The following CDC25B variants were observed in gnomAD, a reference collection of about 807,000 sequenced individuals.
CDC25B encodes cell division cycle 25B, also known as M-phase inducer phosphatase 2.
Under a neutral mutation model 69.8 loss-of-function variants are expected in CDC25B, and 33 were observed. That is an observed-to-expected ratio of 0.47 (90% CI 0.36 to 0.63). CDC25B has a LOEUF of 0.63. CDC25B is among the 30% of genes least tolerant of loss of function. The pLI, the probability that CDC25B is intolerant of heterozygous loss-of-function variation, is 0.00. For missense variants in CDC25B, 727 were observed against 809.1 expected, an observed-to-expected ratio of 0.90 and a Z score of 1.23; for synonymous variants, 341 against 314.6, an observed-to-expected ratio of 1.08 and a Z score of -0.89.
chr20:3,804,450 C>A, intron 14 of CDC25B, 119 bp from the exon 15 acceptor site: 1 of 692,050 alleles, frequency 1.4e-6, no homozygotes, highest in South Asian at 1.7e-5. Context: ...CATTCCTGTG[C>A]TCTAAAGCTT....
chr20:3,793,532 T>G (rs2088949330), upstream of CDC25B, among the ~76,000 whole-genome samples: 1 of 150,514 alleles, frequency 6.6e-6, no homozygotes, highest in Admixed American at 6.6e-5. Context: ...AGAGGTGACC[T>G]GACTGTGGGA....
chr20:3,787,063 G>A (rs2088837816), exon 1 of CDC25B: 2 of 576,206 alleles, frequency 3.5e-6, no homozygotes, highest in East Asian at 3.1e-5. Flanking sequence ...TAAAAATAAC[G>A]CACTTTTTTT....
At chr20:3,795,078 TG>T (rs2088990569), upstream of CDC25B, among the ~76,000 whole-genome samples, 1 of 152,120 alleles carries the variant, frequency 6.6e-6, no homozygotes, top group Admixed American at 6.5e-5. Flanking sequence ...AATTGGAAGA[TG>T]GGCCGGGCAC....
At position 3,797,739 on chromosome 20, in the gene CDC25B, T is replaced by A. The variant is rs757633248; in HGVS notation, c.318T>A (p.Ser106=). 1.2e-6 allele frequency: 2 copies of A among 1,614,026 alleles called. No individual in the cohort carries two copies. The highest frequency in any genetic ancestry group is 8.5e-7 in the Non-Finnish European group (1 of 1,180,020). The change falls in exon 2 of 16, where the codon TCT becomes TCA. Residue 106 remains serine, a synonymous_variant. Transcript: ENST00000245960. ...ESSLSSESSE[S]SDAGLCMDSP... is the part of the protein sequence containing the mutation. Reference sequence around the variant, plus strand: ...CCCTGTCGTCTGAATCCTCCGAATCTTCTGATGCAGGTGAGGCCCAGGGGA... The same window carrying A: ...CCCTGTCGTCTGAATCCTCCGAATCATCTGATGCAGGTGAGGCCCAGGGGA...
At chr20:3,800,229 TG>T in intron 3 of CDC25B, 58 bp from the exon 4 acceptor site, 2 of 1,554,412 alleles carry the variant, frequency 1.3e-6, no homozygotes, top group Non-Finnish European at 1.8e-6. Context: ...GGCCTGGTGC[TG>T]GGGTGGGTGA....
chr20:3,796,794 C>T (rs2089073048), intron 1 of CDC25B, 63 bp downstream of exon 1: 1 of 1,499,870 alleles, frequency 6.7e-7, no homozygotes, highest in Non-Finnish European at 8.8e-7. Context: ...CCTGGGCCTC[C>T]TGGAGAACTG....
chr20:3,791,760 G>A (rs115434402), upstream of CDC25B, among the ~76,000 whole-genome samples: 446 of 152,268 alleles, frequency 2.9e-3, 1 homozygote, highest in Middle Eastern at 0.031. Flanking sequence ...ATAGCACACA[G>A]ACACATAAGG....
intron 1 of CDC25B, among the ~76,000 whole-genome samples, chr20:3,788,753 C>T (rs2088866390): frequency 2.0e-5 from 3 of 150,276 alleles, no homozygotes; most frequent in Non-Finnish European, 4.4e-5. Flanking sequence ...TGTTTCTTTC[C>T]TTCCTTCCTT....
Position 3,804,693 on chromosome 20 carries a change from G to A in CDC25B, c.1602+13G>A. 1.2e-6 allele frequency: 2 copies of A among 1,606,600 alleles called. No homozygotes were observed. Among genetic ancestry groups the A allele is most frequent in the East Asian group, 2.2e-5 (1 of 44,796 alleles). ...CCCTCAGCACCCGGTAGCGTGGGTG[G>A]GGAAGGCCACAGTCTCTGTGTGAGG... On this transcript the variant is annotated intron_variant, in intron 15 of 15. Transcript: ENST00000245960.
Position 3,788,142 on chromosome 20 carries a change from A to AAAAGAAAGAAAG in CDC25B, c.8+1014_8+1025dup, listed in dbSNP as rs57004606. Reference sequence around the variant, plus strand: ...AAAGAGTGAGACTCCATCTCAAAAAAAAAGAAAGAAAGAAAGAAAGAACCA... The same window carrying AAAAGAAAGAAAG: ...AAAGAGTGAGACTCCATCTCAAAAAAAAAGAAAGAAAGAAAGAAAGAAAGAAAGAAAGAACCA... On this transcript the variant is annotated intron_variant, in intron 1 of 15. Transcript: ENST00000344256. 5.9e-3 allele frequency among the ~76,000 whole-genome samples: 882 copies of AAAAGAAAGAAAG among 150,082 alleles called. 5 individuals carry two copies. The highest frequency in any genetic ancestry group is 0.016 in the East Asian group (80 of 5,056).
chr20:3,803,643 C>T lies in CDC25B; in HGVS notation c.1490+106C>T. On this transcript the variant is annotated intron_variant, in intron 14 of 15. Transcript: ENST00000245960. The surrounding 1 kb of genome is among the most constrained non-coding windows in gnomAD (Gnocchi z 4.9). ...ATGGCCAGGGGTGCAAGTCCAGGTC[C>T]TCCTCTGTCCCATCTGATGGCCTAG... 1 of 1,416,756 alleles carries T rather than the reference C, an allele frequency of 7.1e-7. No homozygotes were observed. The highest frequency in any genetic ancestry group is 1.2e-5 in the South Asian group (1 of 81,822). The allele number at this position is 1,416,756 out of a possible 1,614,324, so 87.8% of individuals were successfully genotyped here.
rs765876739 is a variant in CDC25B at position 3,796,723 on chromosome 20, G to A, written c.192G>A (p.Gly64=). The change falls in exon 1 of 16, where the codon GGG becomes GGA. Residue 64 remains glycine (G), a synonymous_variant. Coordinates refer to ENST00000245960, the MANE Select transcript of CDC25B (RefSeq NM_021873.4). ...TLTQTMHDLA[G]LGSETPKSQV... ...CCCAGACCATGCACGACCTCGCCGG[G>A]CTCGGCAGGTAGGACACCCCAAGGA... 35 of 1,567,968 alleles carry A rather than the reference G, an allele frequency of 2.2e-5. No individual in the cohort carries two copies. In the Admixed American group the frequency reaches 6.2e-4, roughly 28 times the overall value.
At chr20:3,797,425 C>T (rs1678893006) in intron 1 of CDC25B, among the ~76,000 whole-genome samples, 197 bp from the exon 2 acceptor site, 2 of 152,336 alleles carry the variant, frequency 1.3e-5, no homozygotes, top group Middle Eastern at 3.4e-3. Context: ...AACCAGTCAA[C>T]GAAGAGAAGA....
In CDC25B at chr20:3,805,326, G is replaced by A. The variant is rs1268532247; in HGVS notation, c.*365G>A. On this transcript the variant is annotated 3_prime_UTR_variant, in exon 16 of 16. Transcript: ENST00000245960. ...GTGTGTGTCAGCTGAGGCTGGGGGAGAGCCGTGGTCCCTGAGGATGGGTCA... is the reference window on the plus strand; with the variant it reads ...GTGTGTGTCAGCTGAGGCTGGGGGAAAGCCGTGGTCCCTGAGGATGGGTCA... 5 of 317,002 alleles carry A rather than the reference G, an allele frequency of 1.6e-5. No individual in the cohort carries two copies. In the East Asian group the frequency reaches 2.5e-4, roughly 16 times the overall value. The allele number at this position is 317,002 out of a possible 1,614,324, so 19.6% of individuals were successfully genotyped here.
Position 3,789,329 on chromosome 20 carries a change from A to C in CDC25B, c.8+2190A>C, listed in dbSNP as rs570279446. Among the ~76,000 whole-genome samples the C allele has an allele frequency of 6.6e-5, 10 of 152,348 alleles. No homozygotes were observed. The East Asian group carries it at 1.7e-3, about 26-fold the overall frequency. ...AGTTCATTGCAGCCTCAGTCTCCTCAGTAGCTAGGACTACAGGCATGAGGC... is the reference window on the plus strand; with the variant it reads ...AGTTCATTGCAGCCTCAGTCTCCTCCGTAGCTAGGACTACAGGCATGAGGC... On this transcript the variant is annotated intron_variant, in intron 1 of 15. Transcript: ENST00000344256.
Position 3,804,905 on chromosome 20 carries a change from A to T in CDC25B, c.1687A>T (p.Ser563Cys). The T allele has an allele frequency of 5.6e-6, 9 of 1,614,060 alleles. No homozygotes were observed. The highest frequency in any genetic ancestry group is 2.2e-5 in the East Asian group (1 of 44,882). The change falls in exon 16 of 16, where the codon AGC becomes TGC. Residue 563 changes from serine to cysteine, a missense_variant. Around this residue, in one of 2 missense-constraint regions of CDC25B, gnomAD observed 359 missense variants for 463.4 expected, o/e 0.77. Transcript: ENST00000245960. ...AAAGACCTTCCGCCTCAAGACTCGC[A>T]GCTGGGCTGGGGAGCGGAGCCGGCG... ...ELKTFRLKTR[S>C]WAGERSRREL...
intron 1 of CDC25B, among the ~76,000 whole-genome samples, chr20:3,797,399 G>A (rs2089096553): frequency 6.6e-6 from 1 of 152,226 alleles, no homozygotes; most frequent in African/African-American, 2.4e-5. Flanking sequence ...CCCTGCTCCT[G>A]AGAGGACCTT....
At chr20:3,804,046 C>G (rs540395355) in intron 14 of CDC25B, among the ~76,000 whole-genome samples, 1 of 152,320 alleles carries the variant, frequency 6.6e-6, no homozygotes, top group Non-Finnish European at 1.5e-5. Flanking sequence ...CCTGGCCTCA[C>G]CCATGTGGTG....
rs759722205 is a variant in CDC25B, at chr20:3,801,051, G to A, written c.663G>A (p.Arg221=). The A allele has an allele frequency of 1.1e-5, 17 of 1,613,936 alleles. No individual in the cohort carries two copies. The highest frequency in any genetic ancestry group is 1.4e-5 in the Non-Finnish European group (17 of 1,179,914). The part of the protein sequence containing the change: ...THALAEWASR[R]EAFAQRPSSA... The stretch of plus-strand genomic sequence containing the variant: ...CTCTGGCAGAGTGGGCCAGCCGCAG[G>A]GAAGCCTTTGCCCAGAGACCCAGCT... Residue 221 remains arginine (R), a synonymous_variant, in exon 7 of 16, where the codon AGG becomes AGA. Transcript: ENST00000245960.
Sources: allele counts gnomAD v4.1 joint callset (sites outside exome capture counted in the v4.1 genomes callset), GRCh38; gene constraint gnomAD v4.1.1; regional missense constraint gnomAD v4.1.1; non-coding constraint Gnocchi (gnomAD v3.1); transcripts MANE v1.5; gene names NCBI Gene and HGNC (gene_info 2026-07-23, HGNC 2026-07-21).